The following GLG1 variants were observed in gnomAD, a reference collection of about 807,000 sequenced individuals.
GLG1 encodes the protein golgi glycoprotein 1, also known as Golgi apparatus protein 1.
A neutral mutation model predicts 160.5 loss-of-function variants in GLG1; 38 were observed. The observed-to-expected ratio is 0.24, with a 90% CI of 0.18 to 0.31. GLG1 has a LOEUF of 0.31. Ranked by LOEUF, GLG1 falls within the 10% of genes least tolerant of loss-of-function variation. GLG1 has a pLI of 1.00. For missense variants in GLG1, 1,373 were observed against 1,505.2 expected, an observed-to-expected ratio of 0.91 and a Z score of 1.45; for synonymous variants, 644 against 543.4, an observed-to-expected ratio of 1.19 and a Z score of -2.57.
chr16:74,585,768 T>A (rs914687219), intron 1 of GLG1, among the ~76,000 whole-genome samples: 8 of 151,208 alleles, frequency 5.3e-5, no homozygotes, highest in African/African-American at 1.9e-4. Context: ...TTTAGTTATC[T>A]AAAGTAAGAT....
At chr16:74,533,015 T>C (rs140610801) in intron 1 of GLG1, among the ~76,000 whole-genome samples, 3,627 of 152,258 alleles carry the variant, frequency 0.024, 58 homozygotes, top group Non-Finnish European at 0.032. Flanking sequence ...CAGATACACA[T>C]ACCAGAGATA....
At chr16:74,594,968 C>T (rs2143880096) in intron 1 of GLG1, among the ~76,000 whole-genome samples, 1 of 152,174 alleles carries the variant, frequency 6.6e-6, no homozygotes, top group South Asian at 2.1e-4. Context: ...GTGGGCAGAT[C>T]ACGAGGTCAG....
chr16:74,521,462 G>C (rs747218999), intron 2 of GLG1, among the ~76,000 whole-genome samples: 1 of 152,098 alleles, frequency 6.6e-6, no homozygotes, highest in African/African-American at 2.4e-5. Flanking sequence ...CCAAATTCAG[G>C]ATATATTTCA....
At position 74,454,652 on chromosome 16, in the gene GLG1, C is replaced by T. The variant is rs555133462; in HGVS notation, c.3373-1318G>A. On this transcript the variant is annotated intron_variant, in intron 25 of 25. Transcript: ENST00000422840. ...CTGGACTCCAGCCTGGGCAACAGGACGAGAATCCGTCCCCAAAAAAAAAAA... is the reference window on the plus strand; with the variant it reads ...CTGGACTCCAGCCTGGGCAACAGGATGAGAATCCGTCCCCAAAAAAAAAAA... 1.7e-4 allele frequency among the ~76,000 whole-genome samples: 18 copies of T among 105,668 alleles called. No homozygotes were observed. In the South Asian group the frequency reaches 4.9e-3, roughly 29 times the overall value. The allele number at this position is 105,668 out of a possible 152,430, so 69.3% of individuals were successfully genotyped here.
At position 74,471,198 on chromosome 16, in the gene GLG1, G is replaced by A. The variant is rs138106842; in HGVS notation, c.2204C>T (p.Ala735Val). The A allele has an allele frequency of 6.2e-7, 1 of 1,607,304 alleles. No individual in the cohort carries two copies. The highest frequency in any genetic ancestry group is 8.5e-7 in the Non-Finnish European group (1 of 1,173,780). The change falls in exon 15 of 26, where the codon GCC becomes GTC. Residue 735 changes from alanine (A) to valine (V), a missense_variant. Ala to Val is a moderately conservative substitution (Grantham distance 64). Around this residue, in one of 4 missense-constraint regions of GLG1, gnomAD observed 491 missense variants for 632.1 expected, o/e 0.78. Coordinates refer to ENST00000422840, the MANE Select transcript of GLG1 (RefSeq NM_001145667.2). ...CAGCTGGAAGTGGGTAACTCCGATG[G>A]CACACTTCTCGTTCATGTCCTTCTG... ...KHQKDMNEKC[A>V]IGVTHFQLVQ...
At chr16:74,556,376 A>G (rs1483817501) in intron 1 of GLG1, among the ~76,000 whole-genome samples, 2 of 152,276 alleles carry the variant, frequency 1.3e-5, no homozygotes, top group Admixed American at 6.5e-5. Flanking sequence ...TTTGACTAGG[A>G]AAAATGGACC....
intron 3 of GLG1, 106 bp from the exon 4 acceptor site, chr16:74,503,852 CT>C (rs1440748221): frequency 1.3e-6 from 1 of 743,614 alleles, no homozygotes; most frequent in African/African-American, 1.8e-5. Context: ...TTTCCTAATT[CT>C]TTACTTGGAA....
intron 1 of GLG1, among the ~76,000 whole-genome samples, chr16:74,579,180 C>G (rs1383290977): frequency 2.0e-5 from 3 of 151,832 alleles, no homozygotes; most frequent in Non-Finnish European, 4.4e-5. Context: ...GACCCTGTCT[C>G]TTAAAAATAC....
chr16:74,583,018 A>C (rs1366836830), intron 1 of GLG1, among the ~76,000 whole-genome samples: 1 of 151,892 alleles, frequency 6.6e-6, no homozygotes, highest in East Asian at 1.9e-4. Context: ...TCACAACTAA[A>C]ATTTCCCTTT....
intron 24 of GLG1, 30 bp from the exon 25 acceptor site, chr16:74,456,785 C>A: frequency 7.8e-7 from 1 of 1,284,332 alleles, no homozygotes. Context: ...ATAAGAAGAA[C>A]CTGAAACTGT....
chr16:74,500,583 G>A (rs1418764605), intron 4 of GLG1, among the ~76,000 whole-genome samples: 1 of 151,634 alleles, frequency 6.6e-6, no homozygotes, highest in Non-Finnish European at 1.5e-5. Context: ...TCCTTCTGCT[G>A]TCTTCTGTAA....
At chr16:74,542,483 A>G (rs1489397381) in intron 1 of GLG1, among the ~76,000 whole-genome samples, 7 of 152,006 alleles carry the variant, frequency 4.6e-5, no homozygotes, top group Non-Finnish European at 1.0e-4. Flanking sequence ...AGCGTGGCCA[A>G]CGTGGTGAAA....
rs557823892 is a variant in GLG1 at position 74,453,030 on chromosome 16, C to T, written c.*137G>A. The T allele has an allele frequency of 4.3e-4, 629 of 1,463,460 alleles. 8 individuals carry two copies. In the South Asian group the frequency reaches 8.4e-3, roughly 20 times the overall value. 90.7% of individuals were successfully genotyped at this position (1,463,460 alleles called of 1,614,324 possible). A position where few individuals can be genotyped will look rare whatever the true frequency, so the allele number is the denominator to read the frequency against. ...CACGAGTGGAGGCTGGATGGGACAA[C>T]GCAGTGGACATCTGCTAATGCTCTA... is the stretch of plus-strand genomic sequence containing the variant. On this transcript the variant is annotated 3_prime_UTR_variant, in exon 26 of 26. Transcript: ENST00000422840.
At chr16:74,549,577 C>T (rs1275212959) in intron 1 of GLG1, among the ~76,000 whole-genome samples, 2 of 152,188 alleles carry the variant, frequency 1.3e-5, no homozygotes, top group African/African-American at 2.4e-5. Flanking sequence ...TGAGCCGCTG[C>T]GCCTGGCCAG....
chr16:74,475,438 C>A (rs2015362769), intron 12 of GLG1, among the ~76,000 whole-genome samples: 1 of 152,198 alleles, frequency 6.6e-6, no homozygotes, highest in Admixed American at 6.5e-5. Context: ...CAGGATACAA[C>A]TGATAGCTCC....
At chr16:74,542,855 A>T (rs1424834666) in intron 1 of GLG1, among the ~76,000 whole-genome samples, 1 of 152,124 alleles carries the variant, frequency 6.6e-6, no homozygotes, top group Non-Finnish European at 1.5e-5. Flanking sequence ...CAATACCATT[A>T]ATGTTTACAA....
chr16:74,520,210 C>T (rs756452380), intron 2 of GLG1, among the ~76,000 whole-genome samples: 11 of 152,188 alleles, frequency 7.2e-5, no homozygotes, highest in Non-Finnish European at 1.2e-4. Context: ...GTACATGCAT[C>T]ATCCTTCTCC....
Position 74,586,077 on chromosome 16 carries a change from A to T in GLG1, c.438+20580T>A, listed in dbSNP as rs559216901. Among the ~76,000 whole-genome samples, 4 of 152,068 alleles carry T rather than the reference A, an allele frequency of 2.6e-5. No individual in the cohort carries two copies. In the South Asian group the frequency reaches 8.3e-4, roughly 32 times the overall value. ...GACTCTGTATCGGAAAAAAAAAAAAAAAACAAGAACAGGTGGTAAACAGGG... is the reference window on the plus strand; with the variant it reads ...GACTCTGTATCGGAAAAAAAAAAAATAAACAAGAACAGGTGGTAAACAGGG... On this transcript the variant is annotated intron_variant, in intron 1 of 25. Coordinates refer to ENST00000422840, the MANE Select transcript of GLG1 (RefSeq NM_001145667.2).
At chr16:74,586,063 G>A (rs1175666850) in intron 1 of GLG1, among the ~76,000 whole-genome samples, 8 of 137,576 alleles carry the variant, frequency 5.8e-5, no homozygotes, top group South Asian at 2.2e-4. Context: ...ACTCTGTATC[G>A]GAAAAAAAAA....
Sources: gnomAD v4.1 joint callset for allele counts (sites outside exome capture counted in the v4.1 genomes callset) on GRCh38, gnomAD v4.1.1 for gene constraint, gnomAD v4.1.1 regional missense constraint, MANE v1.5 for transcripts, NCBI Gene and HGNC (gene_info 2026-07-23, HGNC 2026-07-21) for gene names.